ASPM: variants seen among roughly 807,000 people sequenced by gnomAD.
ASPM encodes the protein abnormal spindle-like microcephaly-associated protein.
In ASPM, 256 loss-of-function variants were observed where a neutral mutation model predicts 366.4. That is an observed-to-expected ratio of 0.70 (90% confidence interval 0.63 to 0.77). The LOEUF is 0.77. ASPM is among the 30% of genes least tolerant of loss of function. The pLI, the probability that ASPM is intolerant of heterozygous loss-of-function variation, is 0.00. For synonymous variants in ASPM, 1,414 were observed against 1,342.9 expected (o/e 1.05, Z -1.16); for missense variants, 4,146 against 4,090.4 (o/e 1.01, Z -0.37).
At chr1:197,129,077 A>C in intron 9 of ASPM, 110 bp downstream of exon 9, 2 of 1,259,000 alleles carry the variant, frequency 1.6e-6, no homozygotes, top group Non-Finnish European at 2.2e-6. Context: ...TCCTCTGAGT[A>C]TTATTCTTTG....
chr1:197,132,165 A>G, intron 7 of ASPM, 120 bp downstream of exon 7: 1 of 739,704 alleles, frequency 1.4e-6, no homozygotes, highest in African/African-American at 1.8e-5. Flanking sequence ...AAGATGAATC[A>G]AGCTAACCTA....
At position 197,122,566 on chromosome 1, in the gene ASPM, G is replaced by A. The variant is rs186076559; in HGVS notation, c.3420C>T (p.Asp1140=). The A allele has an allele frequency of 1.6e-5, 25 of 1,610,484 alleles. No individual in the cohort carries two copies. Among genetic ancestry groups the A allele is most frequent in the South Asian group, 8.8e-5 (8 of 90,526 alleles). The change falls in exon 14 of 28, where the codon GAC becomes GAT. Residue 1140 remains aspartate (D), a synonymous_variant. Coordinates refer to ENST00000367409, the MANE Select transcript of ASPM (RefSeq NM_018136.5). ...KVENFTVSFS[D]GRVLCYLIHH... ...GGATCAGGTAACATAACACACGGCCGTCTGAGAAAGACACTGTAAAATTCT... is the reference window on the plus strand; with the variant it reads ...GGATCAGGTAACATAACACACGGCCATCTGAGAAAGACACTGTAAAATTCT...
intron 4 of ASPM, chr1:197,138,605 C>G: frequency 2.3e-6 from 1 of 429,094 alleles, no homozygotes; most frequent in Non-Finnish European, 4.2e-6. Flanking sequence ...ACTAGGAGTT[C>G]ACACTTTAGT....
Position 197,142,697 on chromosome 1 carries a change from T to C in ASPM, c.1555A>G (p.Arg519Gly), listed in dbSNP as rs766686870. Reference sequence around the variant, plus strand: ...TCACCCACTGCACTGTTGAGACATCTTTTTGCTTTTGGTTTATTAATCTCA... The same window carrying C: ...TCACCCACTGCACTGTTGAGACATCCTTTTGCTTTTGGTTTATTAATCTCA... ...QTEINKPKAKRCLNSAVGEHE... is the reference protein window; with the variant it reads ...QTEINKPKAKGCLNSAVGEHE... The change falls in exon 3 of 28, where the codon AGA becomes GGA. Residue 519 changes from arginine (R) to glycine (G), a missense_variant. Transcript: ENST00000367409. 6.2e-7 allele frequency: 1 copy of C among 1,613,988 alleles called. No homozygotes were observed. The highest frequency in any genetic ancestry group is 8.5e-7 in the Non-Finnish European group (1 of 1,179,872).
Position 197,103,022 on chromosome 1 carries a change from A to G in ASPM, c.6229T>C (p.Tyr2077His). The G allele has an allele frequency of 6.2e-7, 1 of 1,612,228 alleles. No homozygotes were observed. The highest frequency in any genetic ancestry group is 8.5e-7 in the Non-Finnish European group (1 of 1,179,066). ...TGGTTTGTAATTTTAATACCTCGAT[A>G]CCATCTCTGAATTATAATAGCTGAA... ...RASAIIIQRW[Y>H]RGIKITNHQH... is the part of the protein sequence containing the mutation. Residue 2077 changes from tyrosine (Y) to histidine (H), a missense_variant, in exon 18 of 28, where the codon TAT becomes CAT. Around this residue, in one of 3 missense-constraint regions of ASPM, gnomAD observed 3,624 missense variants for 3,591.7 expected, o/e 1.01. Coordinates refer to ENST00000367409, the MANE Select transcript of ASPM (RefSeq NM_018136.5).
intron 6 of ASPM, among the ~76,000 whole-genome samples, chr1:197,132,740 A>C (rs894445865): frequency 4.0e-5 from 6 of 149,422 alleles, no homozygotes; most frequent in African/African-American, 1.5e-4. Flanking sequence ...GTATATATAC[A>C]AATAAATATA....
chr1:197,088,271 T>C lies in ASPM; in HGVS notation c.10146A>G (p.Thr3382=). The part of the protein sequence containing the change: ...TCCLLAILLK[T]TNRASDVRSR... Reference sequence around the variant, plus strand: ...TAATACTTACAGAGGCTCTATTTGTTGTCTTCAGTAAAATAGCCAACAAAC... The same window carrying C: ...TAATACTTACAGAGGCTCTATTTGTCGTCTTCAGTAAAATAGCCAACAAAC... The change falls in exon 26 of 28, where the codon ACA becomes ACG. Residue 3382 remains threonine (T), a synonymous_variant. Coordinates refer to ENST00000367409, the MANE Select transcript of ASPM (RefSeq NM_018136.5). 6.2e-7 allele frequency: 1 copy of C among 1,613,234 alleles called. No individual in the cohort carries two copies. The highest frequency in any genetic ancestry group is 1.3e-5 in the African/African-American group (1 of 74,960).
chr1:197,131,443 C>T (rs1658249955), intron 7 of ASPM, among the ~76,000 whole-genome samples: 1 of 152,120 alleles, frequency 6.6e-6, no homozygotes, highest in Non-Finnish European at 1.5e-5. Flanking sequence ...CTAGGTATTA[C>T]AGAGCCAAGA....
At chr1:197,140,614 A>C (rs537376697) in intron 3 of ASPM, among the ~76,000 whole-genome samples, 7 of 152,326 alleles carry the variant, frequency 4.6e-5, no homozygotes, top group Non-Finnish European at 8.8e-5. Context: ...CAAAGGCAGT[A>C]TAGTTACAGA....
chr1:197,113,722 C>T (rs1423598509), intron 17 of ASPM, among the ~76,000 whole-genome samples: 1 of 152,108 alleles, frequency 6.6e-6, no homozygotes, highest in Non-Finnish European at 1.5e-5. Context: ...ACACAACACA[C>T]ATACCAAATA....
chr1:197,139,917 T>G (rs772595582), intron 3 of ASPM, 46 bp from the exon 4 acceptor site: 4 of 1,297,352 alleles, frequency 3.1e-6, no homozygotes, highest in Admixed American at 3.4e-5. Context: ...AAATACAAAT[T>G]CCCTAAATAG....
At chr1:197,110,126 T>C (rs1351161805) in intron 17 of ASPM, among the ~76,000 whole-genome samples, 2 of 152,006 alleles carry the variant, frequency 1.3e-5, no homozygotes, top group East Asian at 1.9e-4. Context: ...CCAACTCATT[T>C]TGAAAAAAGA....
chr1:197,129,252 A>C lies in ASPM; in HGVS notation c.2695T>G (p.Tyr899Asp). 1 of 1,612,456 alleles carries C rather than the reference A, an allele frequency of 6.2e-7. No individual in the cohort carries two copies. The highest frequency in any genetic ancestry group is 8.5e-7 in the Non-Finnish European group (1 of 1,178,644). Residue 899 changes from tyrosine (Y) to aspartate (D), a missense_variant, in exon 9 of 28, where the codon TAT (tyrosine) becomes GAT (aspartate). This residue lies in a region of ASPM where 3,624 missense variants were observed against 3,591.7 expected (regional missense o/e 1.01). Coordinates refer to ENST00000367409, the MANE Select transcript of ASPM (RefSeq NM_018136.5). ...TCAATGAGTCTGGAAATTTTAGCATAATCAAGAAAACAGACCAACAACAAT... is the reference window on the plus strand; with the variant it reads ...TCAATGAGTCTGGAAATTTTAGCATCATCAAGAAAACAGACCAACAACAAT... ...KLLLLVCFLD[Y>D]AKISRLIDHD...
intron 16 of ASPM, among the ~76,000 whole-genome samples, chr1:197,118,829 T>G (rs1657819774): frequency 6.6e-6 from 1 of 152,146 alleles, no homozygotes; most frequent in African/African-American, 2.4e-5. Context: ...AAAGTAACTT[T>G]GCTATACTGT....
chr1:197,125,296 G>C, intron 10 of ASPM, 105 bp from the exon 11 acceptor site: 3 of 1,367,094 alleles, frequency 2.2e-6, no homozygotes, highest in Non-Finnish European at 3.1e-6. Context: ...CAGTTACAGG[G>C]CTTTATGATC....
In ASPM at chr1:197,142,368, A is replaced by C. The variant is rs1658612803; in HGVS notation, c.1884T>G (p.Ile628Met). 4 of 1,613,760 alleles carry C rather than the reference A, an allele frequency of 2.5e-6. No individual in the cohort carries two copies. The highest frequency in any genetic ancestry group is 3.4e-6 in the Non-Finnish European group (4 of 1,179,806). ...TCAGGTTTAATTTCTCTCTGTTGCT[A>C]ATACGTTTTGAGATGGGTGTTGTCA... is the stretch of plus-strand genomic sequence containing the variant. ...KNVTTPISKR[I>M]SNREKLNLKK... Residue 628 changes from isoleucine to methionine, a missense_variant, in exon 3 of 28, where the codon ATT becomes ATG. Physicochemically the swap from Ile to Met is conservative, Grantham distance 10. Coordinates refer to ENST00000367409, the MANE Select transcript of ASPM (RefSeq NM_018136.5).
rs773128181 is a variant in ASPM at position 197,146,278 on chromosome 1, C to T, written c.160G>A (p.Asp54Asn). The part of the protein sequence containing the change: ...FCRSPFLCFG[D>N]VLLGASRTLS... ...GTCCGTGAGGCTCCCAGGAGAACGT[C>T]CCCGAAGCAAAGGAAAGGAGACCTG... is the stretch of plus-strand genomic sequence containing the variant. Residue 54 changes from aspartate (D) to asparagine (N), a missense_variant, in exon 1 of 28, where the codon GAC becomes AAC. By Grantham distance (23) the Asp-to-Asn change is conservative. Around this residue, in one of 3 missense-constraint regions of ASPM, gnomAD observed 512 missense variants for 471.7 expected, o/e 1.09. Coordinates refer to ENST00000367409, the MANE Select transcript of ASPM (RefSeq NM_018136.5). 6.2e-7 allele frequency: 1 copy of T among 1,614,114 alleles called. No individual in the cohort carries two copies. The highest frequency in any genetic ancestry group is 1.1e-5 in the South Asian group (1 of 91,082).
chr1:197,142,013 T>C (rs917974468), intron 3 of ASPM, among the ~76,000 whole-genome samples: 6 of 152,196 alleles, frequency 3.9e-5, no homozygotes, highest in African/African-American at 1.4e-4. Context: ...TTCAGTGGTT[T>C]ATTTGTTCAT....
At chr1:197,146,070 T>C (rs903192076) in intron 1 of ASPM, 71 bp downstream of exon 1, 2 of 1,590,150 alleles carry the variant, frequency 1.3e-6, no homozygotes, top group African/African-American at 1.3e-5. Flanking sequence ...TCAACCTTCC[T>C]GAGGAGGGTG....
Sources: gnomAD v4.1 joint callset for allele counts (sites outside exome capture counted in the v4.1 genomes callset) on GRCh38, gnomAD v4.1.1 for gene constraint, gnomAD v4.1.1 regional missense constraint, MANE v1.5 for transcripts, NCBI Gene and HGNC (gene_info 2026-07-23, HGNC 2026-07-21) for gene names.